The following ABCA13 variants were observed in gnomAD, a reference collection of about 807,000 sequenced individuals.
ABCA13 encodes the protein ATP binding cassette subfamily A member 13, also known as ATP-binding cassette sub-family A member 13.
In ABCA13, 476 loss-of-function variants were observed where a neutral mutation model predicts 478.7. The observed-to-expected ratio is 0.99, with a 90% CI of 0.92 to 1.07. The LOEUF (loss-of-function observed/expected upper bound fraction) is 1.07, where lower values mean the gene tolerates loss of function less well. Among genes scored for constraint, ABCA13 ranks in the 50% least tolerant of loss-of-function variants. The probability of loss-of-function intolerance (pLI) is 0.00; values close to 1 mark genes in which losing one functional copy is unlikely to be tolerated. For missense variants in ABCA13, 6,060 were observed against 5,910.6 expected, an observed-to-expected ratio of 1.03 and a Z score of -0.83; for synonymous variants, 2,252 against 2,158.9, an observed-to-expected ratio of 1.04 and a Z score of -1.20.
intron 42 of ABCA13, among the ~76,000 whole-genome samples, chr7:48,446,402 A>G (rs1410900229): frequency 6.6e-6 from 1 of 151,756 alleles, no homozygotes; most frequent in Non-Finnish European, 1.5e-5. Context: ...AAAAAAAAAA[A>G]AAAGAAACCT....
chr7:48,296,050 G>T (rs1202065855), intron 21 of ABCA13, among the ~76,000 whole-genome samples, 187 bp downstream of exon 21: 1 of 152,142 alleles, frequency 6.6e-6, no homozygotes, highest in Non-Finnish European at 1.5e-5. Context: ...TGTAACAGCA[G>T]CATTAATCAG....
chr7:48,537,516 G>A (rs1171513983), intron 55 of ABCA13, among the ~76,000 whole-genome samples: 3 of 152,162 alleles, frequency 2.0e-5, no homozygotes, highest in Non-Finnish European at 2.9e-5. Context: ...AGGGGAAGGA[G>A]TTTTTATCCC....
chr7:48,424,102 T>C (rs1303524422), intron 41 of ABCA13, among the ~76,000 whole-genome samples: 5 of 152,202 alleles, frequency 3.3e-5, no homozygotes, highest in African/African-American at 1.2e-4. Context: ...AACGCAGCAT[T>C]CTTCTTAAAT....
Position 48,352,173 on chromosome 7 carries a change from G to A in ABCA13, c.10382-8G>A, listed in dbSNP as rs771655514. The A allele has an allele frequency of 5.6e-6, 9 of 1,595,266 alleles. No individual in the cohort carries two copies. In the East Asian group the frequency reaches 1.8e-4, roughly 32 times the overall value. ...GGTAATGCTTCGTTTTTCCTTTTCTGCCACTAGGTATCATTTTCAGCAATT... is the reference window on the plus strand; with the variant it reads ...GGTAATGCTTCGTTTTTCCTTTTCTACCACTAGGTATCATTTTCAGCAATT... On this transcript the variant is annotated splice_region_variant and splice_polypyrimidine_tract_variant and intron_variant, in intron 30 of 61. Transcript: ENST00000435803.
intron 9 of ABCA13, among the ~76,000 whole-genome samples, chr7:48,240,564 T>C (rs185002272): frequency 6.6e-6 from 1 of 152,346 alleles, no homozygotes; most frequent in Non-Finnish European, 1.5e-5. Context: ...GTTTAGGTTT[T>C]AAATTGTATT....
intron 42 of ABCA13, among the ~76,000 whole-genome samples, chr7:48,432,996 C>T (rs1222498273): frequency 6.6e-6 from 1 of 151,890 alleles, no homozygotes; most frequent in Non-Finnish European, 1.5e-5. Context: ...TGAGGTATTG[C>T]ATATGTTGAT....
chr7:48,359,752 A>G (rs1810525170), intron 31 of ABCA13, among the ~76,000 whole-genome samples: 1 of 151,958 alleles, frequency 6.6e-6, no homozygotes. Context: ...CAAAAAACAG[A>G]CAACAACAGC....
chr7:48,240,457 C>T (rs1415660252), intron 9 of ABCA13, among the ~76,000 whole-genome samples: 2 of 152,182 alleles, frequency 1.3e-5, no homozygotes, highest in East Asian at 1.9e-4. Context: ...TCATCCTCAC[C>T]ATGTCCGTGT....
At chr7:48,425,297 A>G (rs535038116) in intron 41 of ABCA13, among the ~76,000 whole-genome samples, 15 of 152,212 alleles carry the variant, frequency 9.9e-5, no homozygotes, top group Non-Finnish European at 1.8e-4. Context: ...GAAAATTTAA[A>G]AAGGACAGAT....
intron 55 of ABCA13, among the ~76,000 whole-genome samples, chr7:48,550,765 A>G (rs980086247): frequency 1.3e-5 from 2 of 151,280 alleles, no homozygotes; most frequent in African/African-American, 4.8e-5. Context: ...CCGTCCATCC[A>G]TCCATCCATC....
chr7:48,339,819 C>A (rs1455227706), intron 29 of ABCA13, among the ~76,000 whole-genome samples: 1 of 152,152 alleles, frequency 6.6e-6, no homozygotes. Flanking sequence ...CGACCCTGTA[C>A]AGCCCTCTGG....
intron 29 of ABCA13, among the ~76,000 whole-genome samples, chr7:48,350,392 TGTG>T (rs1808771401): frequency 6.6e-6 from 1 of 152,220 alleles, no homozygotes; most frequent in African/African-American, 2.4e-5. Flanking sequence ...TATTACCCTT[TGTG>T]CTTTAACTGT....
chr7:48,285,692 C>A (rs1001325998), intron 19 of ABCA13, among the ~76,000 whole-genome samples: 1 of 152,198 alleles, frequency 6.6e-6, no homozygotes, highest in Non-Finnish European at 1.5e-5. Flanking sequence ...TCAGCTTTTT[C>A]AGGGTGCATT....
Position 48,644,730 on chromosome 7 carries a change from C to T in ABCA13, c.15057C>T (p.Ser5019=), listed in dbSNP as rs897859426. ...CCTTCTTGAATATTAAGCATTATTC[C>T]ATTAACCAAACCACTTTGGAGCAGG... ...NKTFLNIKHY[S]INQTTLEQVF... is the part of the protein sequence containing the mutation. The change falls in exon 61 of 62, where the codon TCC becomes TCT. Residue 5019 remains serine, a synonymous_variant. Coordinates refer to ENST00000435803, the MANE Select transcript of ABCA13 (RefSeq NM_152701.5). 7 of 1,604,230 alleles carry T rather than the reference C, an allele frequency of 4.4e-6. No individual in the cohort carries two copies. The highest frequency in any genetic ancestry group is 3.4e-5 in the Admixed American group (2 of 58,398).
At chr7:48,398,402 A>T (rs1378198851) in intron 38 of ABCA13, among the ~76,000 whole-genome samples, 1 of 152,170 alleles carries the variant, frequency 6.6e-6, no homozygotes, top group Non-Finnish European at 1.5e-5. Flanking sequence ...CCAGAATAAG[A>T]TCATGTTTTA....
At chr7:48,196,140 A>G (rs1584105436) in intron 2 of ABCA13, among the ~76,000 whole-genome samples, 1 of 152,160 alleles carries the variant, frequency 6.6e-6, no homozygotes, top group East Asian at 1.9e-4. Context: ...AATGATAGAG[A>G]GCACTAAGTC....
At chr7:48,270,246 T>C (rs898299884) in intron 16 of ABCA13, among the ~76,000 whole-genome samples, 2 of 152,052 alleles carry the variant, frequency 1.3e-5, no homozygotes, top group Non-Finnish European at 2.9e-5. Flanking sequence ...AACCTGTCAA[T>C]TAAAAAAATA....
Position 48,244,666 on chromosome 7 carries a change from C to T in ABCA13, c.1353C>T (p.Leu451=). The change falls in exon 11 of 62, where the codon CTC becomes CTT. Residue 451 remains leucine, a synonymous_variant. Transcript: ENST00000435803. ...GATTTCTTCAGCTTGATGGAGCTCT[C>T]AGAAATGCGATAGCTCAGAATTTAC... The part of the protein sequence containing the change: ...LKRFLQLDGA[L]RNAIAQNLHF... The T allele has an allele frequency of 6.2e-7, 1 of 1,610,134 alleles. No individual in the cohort carries two copies. The highest frequency in any genetic ancestry group is 8.5e-7 in the Non-Finnish European group (1 of 1,177,628).
intron 58 of ABCA13, among the ~76,000 whole-genome samples, chr7:48,601,300 C>A (rs1790872700): frequency 6.6e-6 from 1 of 152,054 alleles, no homozygotes; most frequent in South Asian, 2.1e-4. Flanking sequence ...CATAGGTATA[C>A]ATGTGCCATG....
Sources: gnomAD v4.1 joint callset for allele counts (sites outside exome capture counted in the v4.1 genomes callset) on GRCh38, gnomAD v4.1.1 for gene constraint, MANE v1.5 for transcripts, NCBI Gene and HGNC (gene_info 2026-07-23, HGNC 2026-07-21) for gene names.